Variants in ACYP2 observed in about 807,000 individuals in gnomAD.
ACYP2 encodes acylphosphatase-2.
ACYP2 carries 12 observed loss-of-function variants against 11.2 expected under a neutral mutation model. That is an observed-to-expected ratio of 1.08 (90% confidence interval 0.69 to 1.74). The LOEUF is 1.74. Among genes scored for constraint, ACYP2 ranks in the 40% most tolerant of loss-of-function variants. The pLI, the probability that ACYP2 is intolerant of heterozygous loss-of-function variation, is 0.00. For missense variants in ACYP2, 134 were observed against 101.9 expected (o/e 1.31, Z -1.35); for synonymous variants, 43 against 32.2 (o/e 1.33, Z -1.13).
chr2:54,069,249 A>G (rs1676894079), intron 4 of ACYP2, among the ~76,000 whole-genome samples: 1 of 152,186 alleles, frequency 6.6e-6, no homozygotes, highest in Non-Finnish European at 1.5e-5. Flanking sequence ...GGATTTTTAT[A>G]TAACCAAACC....
intron 6 of ACYP2, among the ~76,000 whole-genome samples, chr2:54,266,504 A>C (rs1688023797): frequency 6.6e-6 from 1 of 150,576 alleles, no homozygotes; most frequent in Non-Finnish European, 1.5e-5. Context: ...TGTTCAACAG[A>C]TAAGAAAACT....
intron 6 of ACYP2, among the ~76,000 whole-genome samples, chr2:54,303,838 A>G (rs564065506): frequency 6.6e-6 from 1 of 152,362 alleles, no homozygotes; most frequent in African/African-American, 2.4e-5. Context: ...CATCATTTGT[A>G]TAAAACAGCC....
chr2:54,295,923 G>A (rs748505016), intron 6 of ACYP2, among the ~76,000 whole-genome samples: 2 of 152,082 alleles, frequency 1.3e-5, no homozygotes, highest in Non-Finnish European at 2.9e-5. Context: ...GCCATGCCTG[G>A]CTAATTTTTG....
At chr2:54,008,292 G>C (rs1224621048) in intron 2 of ACYP2, among the ~76,000 whole-genome samples, 1 of 152,118 alleles carries the variant, frequency 6.6e-6, no homozygotes. Context: ...TCCGAGTTTT[G>C]GTTTTGATTT....
At chr2:54,217,779 A>G (rs1046229617) in intron 6 of ACYP2, among the ~76,000 whole-genome samples, 1 of 152,208 alleles carries the variant, frequency 6.6e-6, no homozygotes, top group South Asian at 2.1e-4. Flanking sequence ...TTACGTAGAT[A>G]ATTGTCAAAC....
intron 6 of ACYP2, among the ~76,000 whole-genome samples, chr2:54,188,426 G>C (rs1684102909): frequency 1.3e-5 from 2 of 152,084 alleles, no homozygotes; most frequent in African/African-American, 2.4e-5. Flanking sequence ...AAGGAAATTA[G>C]AAGATGCTCA....
chr2:54,264,105 G>C (rs1470534460), intron 6 of ACYP2, among the ~76,000 whole-genome samples: 1 of 152,154 alleles, frequency 6.6e-6, no homozygotes, highest in Non-Finnish European at 1.5e-5. Context: ...CTTAAAGATG[G>C]TGTGTGCAGA....
chr2:54,171,105 T>G (rs1437217600), intron 6 of ACYP2, among the ~76,000 whole-genome samples: 1 of 152,080 alleles, frequency 6.6e-6, no homozygotes, highest in East Asian at 1.9e-4. Context: ...GAGCCAGAGC[T>G]CCTCTCAAGG....
Position 54,051,490 on chromosome 2 carries a change from A to G in ACYP2, c.155+440A>G. On this transcript the variant is annotated intron_variant, in intron 3 of 6. Coordinates refer to ENST00000607452, the MANE Select transcript of ACYP2 (RefSeq NM_001320586.2). The stretch of plus-strand genomic sequence containing the variant: ...GTTTGAGGATCCCAGTGCACCCAAG[A>G]GGACTCCTTTGGGCTTTTTTTCTGT... 4 of 701,720 alleles carry G rather than the reference A, an allele frequency of 5.7e-6. No individual in the cohort carries two copies. The South Asian group carries it at 6.4e-5, about 11-fold the overall frequency. 43.5% of individuals were successfully genotyped at this position (701,720 alleles called of 1,614,324 possible). A position where few individuals can be genotyped will look rare whatever the true frequency, so the allele number is the denominator to read the frequency against.
chr2:53,979,364 C>G (rs1019906030), intron 2 of ACYP2, among the ~76,000 whole-genome samples: 1 of 152,046 alleles, frequency 6.6e-6, no homozygotes, highest in Admixed American at 6.5e-5. Flanking sequence ...TCTGGTGGCT[C>G]ACGCTTGTAA....
chr2:54,043,496 A>G (rs1296800483), intron 2 of ACYP2, among the ~76,000 whole-genome samples: 1 of 152,228 alleles, frequency 6.6e-6, no homozygotes, highest in Non-Finnish European at 1.5e-5. Context: ...CCTGCAGGGC[A>G]TTGATATGAA....
intron 6 of ACYP2, among the ~76,000 whole-genome samples, chr2:54,229,782 T>A (rs905396055): frequency 7.2e-5 from 11 of 152,212 alleles, no homozygotes; most frequent in Admixed American, 7.2e-4. Flanking sequence ...AACAGTTTTT[T>A]AAGAACCTAA....
intron 6 of ACYP2, among the ~76,000 whole-genome samples, chr2:54,183,929 A>C (rs1050265128): frequency 6.6e-6 from 1 of 152,232 alleles, no homozygotes; most frequent in Non-Finnish European, 1.5e-5. Context: ...TTATAGCTAC[A>C]TGTACAGATG....
chr2:54,216,663 G>A (rs1685572190), intron 6 of ACYP2, among the ~76,000 whole-genome samples: 1 of 151,818 alleles, frequency 6.6e-6, no homozygotes, highest in South Asian at 2.1e-4. Flanking sequence ...TCAGTCTCCT[G>A]AGTAGCTGGG....
chr2:54,255,960 G>A (rs1392767049), intron 6 of ACYP2: 2 of 1,613,856 alleles, frequency 1.2e-6, no homozygotes, highest in African/African-American at 2.7e-5. Flanking sequence ...CACCATCTGC[G>A]GGATCCTGGG....
intron 6 of ACYP2, among the ~76,000 whole-genome samples, chr2:54,145,723 T>C (rs1025130336): frequency 6.6e-6 from 1 of 152,218 alleles, no homozygotes; most frequent in African/African-American, 2.4e-5. Context: ...AATATTTTAA[T>C]CTATAAAACA....
chr2:54,095,013 C>T (rs940145625), intron 4 of ACYP2, among the ~76,000 whole-genome samples: 1 of 149,874 alleles, frequency 6.7e-6, no homozygotes, highest in Non-Finnish European at 1.5e-5. Context: ...CTCTGGTTTT[C>T]CTAGGCAGAG....
At chr2:54,119,056 T>C (rs1301948557) in intron 4 of ACYP2, among the ~76,000 whole-genome samples, 1 of 67,870 alleles carries the variant, frequency 1.5e-5, no homozygotes, top group Non-Finnish European at 3.3e-5. Flanking sequence ...GTAGTCTTTT[T>C]TTTTTTTTTT....
At chr2:54,076,925 A>G (rs1421894910) in intron 4 of ACYP2, among the ~76,000 whole-genome samples, 1 of 152,236 alleles carries the variant, frequency 6.6e-6, no homozygotes, top group Non-Finnish European at 1.5e-5. Context: ...TTTCTATTTA[A>G]CTGTAATCCT....
Sources: gnomAD v4.1 joint callset for allele counts (sites outside exome capture counted in the v4.1 genomes callset) on GRCh38, gnomAD v4.1.1 for gene constraint, MANE v1.5 for transcripts, NCBI Gene and HGNC (gene_info 2026-07-23, HGNC 2026-07-21) for gene names.